The following SAMMSON variants were observed in gnomAD, a reference collection of about 807,000 sequenced individuals.
SAMMSON encodes long intergenic non-protein coding RNA 1212.
intron 4 of SAMMSON, among the ~76,000 whole-genome samples, chr3:70,080,340 T>C (rs2067263450): frequency 1.3e-5 from 2 of 152,204 alleles, no homozygotes; most frequent in South Asian, 4.1e-4. Context: ...TGCTTTAGCC[T>C]CTATTCGTCA....
intron 7 of SAMMSON, among the ~76,000 whole-genome samples, chr3:70,339,621 G>C (rs979847713): frequency 3.3e-5 from 5 of 152,156 alleles, no homozygotes; most frequent in African/African-American, 1.2e-4. Context: ...CTGAAAAGAA[G>C]ACATTTATGC....
chr3:70,381,614 G>T (rs1481722160), intron 9 of SAMMSON, among the ~76,000 whole-genome samples: 8 of 152,078 alleles, frequency 5.3e-5, no homozygotes, highest in African/African-American at 1.9e-4. Flanking sequence ...TGTTGCACAT[G>T]AACCAAGCTA....
At chr3:70,389,563 TTTACTCACA>T (rs1409921018) in intron 9 of SAMMSON, 1 of 152,202 alleles carries the variant, frequency 6.6e-6, no homozygotes, top group African/African-American at 2.4e-5. Context: ...TCCCTCCCTG[TTTACTCACA>T]GGGTGTTGTC....
At chr3:70,085,947 A>C (rs2067283797) in intron 4 of SAMMSON, among the ~76,000 whole-genome samples, 1 of 152,236 alleles carries the variant, frequency 6.6e-6, no homozygotes, top group South Asian at 2.1e-4. Flanking sequence ...TTCAATTTTA[A>C]GGAATAAAAC....
intron 2 of SAMMSON, among the ~76,000 whole-genome samples, chr3:70,427,533 A>G (rs1701379634): frequency 6.6e-6 from 1 of 152,030 alleles, no homozygotes; most frequent in Non-Finnish European, 1.5e-5. Context: ...AGGTCAGGAG[A>G]TCGAGACCAT....
Position 70,340,399 on chromosome 3 carries a change from A to ATATATAT in SAMMSON, n.740-13776_740-13775insTATATAT, listed in dbSNP as rs61631789. Among the ~76,000 whole-genome samples the ATATATAT allele has an allele frequency of 3.5e-4, 53 of 151,190 alleles. 1 individual carries two copies. Among genetic ancestry groups the ATATATAT allele is most frequent in the African/African-American group, 5.6e-4 (23 of 41,174 alleles). ...TAGAACTAAAGTATATATATATATA[A>ATATATAT]AAAAAGCAGGGTATCCTTAGAAAGC... On this transcript the variant is annotated intron_variant and non_coding_transcript_variant, in intron 7 of 9. Transcript: ENST00000642114.
chr3:70,193,634 C>T (rs778010693), intron 4 of SAMMSON, among the ~76,000 whole-genome samples: 3 of 152,104 alleles, frequency 2.0e-5, no homozygotes, highest in Non-Finnish European at 4.4e-5. Flanking sequence ...CTCAGATCTT[C>T]TTCAAAAAAC....
At chr3:70,125,120 A>G in intron 4 of SAMMSON, 7 of 1,453,788 alleles carry the variant, frequency 4.8e-6, no homozygotes, top group South Asian at 2.3e-5. Flanking sequence ...AGATCGAGCA[A>G]ATTGAACCAC....
intron 4 of SAMMSON, among the ~76,000 whole-genome samples, chr3:70,160,416 T>A (rs991633258): frequency 6.6e-6 from 1 of 150,962 alleles, no homozygotes; most frequent in African/African-American, 2.4e-5. Context: ...AATAGCTTAT[T>A]GTACCAGTAC....
At chr3:70,415,391 CTT>C (rs1384477295) in intron 2 of SAMMSON, among the ~76,000 whole-genome samples, 5 of 152,082 alleles carry the variant, frequency 3.3e-5, no homozygotes, top group African/African-American at 1.2e-4. Context: ...GGAAAAATGT[CTT>C]TGATTGATTT....
chr3:70,065,299 A>G (rs1414070391), intron 3 of SAMMSON: 3 of 152,102 alleles, frequency 2.0e-5, no homozygotes, highest in African/African-American at 4.8e-5. Context: ...TTAACATAGC[A>G]ACTCTGGCAA....
intron 3 of SAMMSON, among the ~76,000 whole-genome samples, chr3:70,016,780 G>T (rs978671352): frequency 2.6e-5 from 4 of 152,142 alleles, no homozygotes; most frequent in African/African-American, 9.7e-5. Flanking sequence ...GTAAGGAAGA[G>T]ATCCACTTTC....
intron 3 of SAMMSON, among the ~76,000 whole-genome samples, chr3:70,027,834 A>T (rs1462946697): frequency 6.6e-6 from 1 of 152,212 alleles, no homozygotes; most frequent in Non-Finnish European, 1.5e-5. Flanking sequence ...GTCTAAGGCT[A>T]ATGACTCTAA....
chr3:70,013,642 C>T (rs1212577309), exon 3 of SAMMSON: 1 of 152,148 alleles, frequency 6.6e-6, no homozygotes, highest in Non-Finnish European at 1.5e-5. Flanking sequence ...AAACATGGCA[C>T]ATCCTCCTGG....
intron 4 of SAMMSON, among the ~76,000 whole-genome samples, chr3:70,247,942 T>G (rs919354159): frequency 6.6e-6 from 1 of 152,112 alleles, no homozygotes; most frequent in Non-Finnish European, 1.5e-5. Context: ...ATGAGATCAA[T>G]CATTACATTC....
chr3:70,013,060 G>C (rs1576095505), intron 2 of SAMMSON, among the ~76,000 whole-genome samples: 1 of 151,948 alleles, frequency 6.6e-6, no homozygotes, highest in East Asian at 1.9e-4. Flanking sequence ...GTTAATTTTG[G>C]TTTTCCTATT....
chr3:70,417,718 T>TCATGA (rs1230482155), intron 2 of SAMMSON, among the ~76,000 whole-genome samples: 1 of 152,112 alleles, frequency 6.6e-6, no homozygotes. Context: ...CTCAAGGTCT[T>TCATGA]CATGATTATA....
At chr3:70,060,183 T>G (rs1327629126) in intron 3 of SAMMSON, among the ~76,000 whole-genome samples, 1 of 152,102 alleles carries the variant, frequency 6.6e-6, no homozygotes, top group African/African-American at 2.4e-5. Flanking sequence ...GAATATTGAG[T>G]GCCCACTTCA....
intron 3 of SAMMSON, among the ~76,000 whole-genome samples, chr3:70,057,334 G>A (rs921664924): frequency 4.6e-5 from 7 of 151,680 alleles, no homozygotes; most frequent in African/African-American, 1.7e-4. Context: ...ATCTTCAAAG[G>A]GTACAGTATT....
Sources: gnomAD v4.1 joint callset for allele counts (sites outside exome capture counted in the v4.1 genomes callset) on GRCh38, gnomAD v4.1.1 for gene constraint, MANE v1.5 for transcripts, NCBI Gene and HGNC (gene_info 2026-07-23, HGNC 2026-07-21) for gene names.